Variants in TMPRSS15 observed in about 807,000 individuals in gnomAD.
TMPRSS15 encodes the protein transmembrane serine protease 15, also known as enteropeptidase.
In TMPRSS15, 128 loss-of-function variants were observed where a neutral mutation model predicts 125.3. The observed-to-expected ratio is 1.02, with a 90% CI of 0.89 to 1.18. The LOEUF (loss-of-function observed/expected upper bound fraction) is 1.18, where lower values mean the gene tolerates loss of function less well. Ranked by LOEUF, TMPRSS15 falls within the 50% of genes most tolerant of loss-of-function variation. TMPRSS15 has a pLI of 0.00. For synonymous variants in TMPRSS15, 446 were observed against 423.2 expected (o/e 1.05, Z -0.66); for missense variants, 1,283 against 1,212.7 (o/e 1.06, Z -0.86).
chr21:18,395,674 C>T (rs1338561657), intron 3 of TMPRSS15, among the ~76,000 whole-genome samples: 1 of 152,020 alleles, frequency 6.6e-6, no homozygotes, highest in African/African-American at 2.4e-5. Flanking sequence ...TGTAAAACAT[C>T]TGAATTTTTT....
rs545702242 is a variant in TMPRSS15, at chr21:18,442,968, A to G, written c.10+42831T>C. The stretch of plus-strand genomic sequence containing the variant: ...TTACTGGATAGATTAAGAACAGGTG[A>G]TGGGATGTAGGTTAATTAGAATTAA... On this transcript the variant is annotated intron_variant, in intron 1 of 7. Transcript: ENST00000422787. Among the ~76,000 whole-genome samples the G allele has an allele frequency of 3.9e-5, 6 of 152,334 alleles. No individual in the cohort carries two copies. In the South Asian group the frequency reaches 1.2e-3, roughly 32 times the overall value.
chr21:18,449,212 T>C (rs930436611), intron 1 of TMPRSS15, among the ~76,000 whole-genome samples: 5 of 152,198 alleles, frequency 3.3e-5, no homozygotes, highest in African/African-American at 1.2e-4. Flanking sequence ...TTATATACAA[T>C]ATAGAATTTC....
At chr21:18,380,831 A>C (rs1377915622) in intron 4 of TMPRSS15, among the ~76,000 whole-genome samples, 2 of 152,278 alleles carry the variant, frequency 1.3e-5, no homozygotes, top group Admixed American at 6.5e-5. Flanking sequence ...ATATCTATTT[A>C]AGAAAGATAT....
intron 14 of TMPRSS15, among the ~76,000 whole-genome samples, chr21:18,331,233 T>C (rs1431545284): frequency 1.3e-5 from 2 of 152,196 alleles, no homozygotes; most frequent in Non-Finnish European, 2.9e-5. Context: ...CTCTCTTATC[T>C]CTTGATCATC....
chr21:18,407,762 T>C (rs1202786874), upstream of TMPRSS15, among the ~76,000 whole-genome samples: 1 of 152,134 alleles, frequency 6.6e-6, no homozygotes, highest in African/African-American at 2.4e-5. Context: ...CATAGGAGAA[T>C]AAGATAATTA....
upstream of TMPRSS15, among the ~76,000 whole-genome samples, chr21:18,407,516 G>T (rs567201008): frequency 2.1e-5 from 3 of 140,212 alleles, no homozygotes; most frequent in East Asian, 6.0e-4. Flanking sequence ...ACATGATCTT[G>T]GTTTACTACT....
chr21:18,276,112 T>C (rs1055513811), intron 23 of TMPRSS15, among the ~76,000 whole-genome samples: 1 of 152,220 alleles, frequency 6.6e-6, no homozygotes, highest in Non-Finnish European at 1.5e-5. Context: ...TTGACAGCCA[T>C]TGATGCTGAA....
Position 18,480,044 on chromosome 21 carries a change from A to T in TMPRSS15, c.10+5755T>A, listed in dbSNP as rs1402753869. Among the ~76,000 whole-genome samples, 2 of 152,066 alleles carry T rather than the reference A, an allele frequency of 1.3e-5. 1 individual carries two copies. The highest frequency in any genetic ancestry group is 2.9e-5 in the Non-Finnish European group (2 of 67,982). ...AAAATGTGGCACATGTACACCATGGAATACTATGCAGCCATGAAAAAGGAT... is the reference window on the plus strand; with the variant it reads ...AAAATGTGGCACATGTACACCATGGTATACTATGCAGCCATGAAAAAGGAT... On this transcript the variant is annotated intron_variant, in intron 1 of 7. Coordinates refer to the TMPRSS15 transcript ENST00000422787.
At chr21:18,442,727 C>A (rs1407417471) in intron 1 of TMPRSS15, among the ~76,000 whole-genome samples, 1 of 152,124 alleles carries the variant, frequency 6.6e-6, no homozygotes, top group Non-Finnish European at 1.5e-5. Context: ...TACAGATATT[C>A]CATGGTAATT....
intron 21 of TMPRSS15, among the ~76,000 whole-genome samples, chr21:18,285,970 T>C (rs1350623152): frequency 6.6e-6 from 1 of 152,208 alleles, no homozygotes; most frequent in Non-Finnish European, 1.5e-5. Flanking sequence ...GAAATCTGTT[T>C]TTAAAATATG....
chr21:18,419,078 A>C (rs775213508), intron 1 of TMPRSS15, among the ~76,000 whole-genome samples: 29 of 152,226 alleles, frequency 1.9e-4, no homozygotes, highest in South Asian at 8.3e-4. Flanking sequence ...TTAACCTGAA[A>C]CCAGTTTTAT....
At chr21:18,298,999 T>C (rs1396219474) in intron 18 of TMPRSS15, among the ~76,000 whole-genome samples, 1 of 152,222 alleles carries the variant, frequency 6.6e-6, no homozygotes, top group Non-Finnish European at 1.5e-5. Context: ...GCTGGGACAA[T>C]AGATGTCTAT....
At chr21:18,350,040 C>T (rs17781399) in intron 10 of TMPRSS15, among the ~76,000 whole-genome samples, 11,324 of 151,990 alleles carry the variant, frequency 0.075, 823 homozygotes, top group East Asian at 0.38. Flanking sequence ...TTTGCACTTT[C>T]CTCTAACTAC....
intron 1 of TMPRSS15, among the ~76,000 whole-genome samples, chr21:18,436,260 T>C (rs1325782331): frequency 5.9e-5 from 9 of 151,768 alleles, no homozygotes; most frequent in African/African-American, 2.2e-4. Flanking sequence ...CTTTCTCTTG[T>C]GGGCATTTAG....
chr21:18,426,105 C>T (rs140525626), intron 1 of TMPRSS15, among the ~76,000 whole-genome samples: 138 of 152,174 alleles, frequency 9.1e-4, no homozygotes, highest in African/African-American at 3.2e-3. Flanking sequence ...GCTTCAAGGG[C>T]CCACAATTAC....
At chr21:18,321,970 G>C (rs190271961) in intron 16 of TMPRSS15, among the ~76,000 whole-genome samples, 2 of 152,250 alleles carry the variant, frequency 1.3e-5, no homozygotes, top group East Asian at 3.9e-4. Flanking sequence ...GCTTCAATCA[G>C]GGGGATTTTC....
intron 17 of TMPRSS15, among the ~76,000 whole-genome samples, chr21:18,314,617 T>C (rs2075141214): frequency 6.6e-6 from 1 of 152,120 alleles, no homozygotes. Context: ...TTTTTTAACT[T>C]AGTTACAGTG....
intron 15 of TMPRSS15, 68 bp downstream of exon 15, chr21:18,329,101 A>T: frequency 6.8e-7 from 1 of 1,479,974 alleles, no homozygotes; most frequent in Non-Finnish European, 9.3e-7. Flanking sequence ...TTAATTAAGA[A>T]ACGCTCTTTC....
chr21:18,382,622 A>G (rs1435289030), intron 4 of TMPRSS15, among the ~76,000 whole-genome samples: 2 of 152,224 alleles, frequency 1.3e-5, no homozygotes, highest in African/African-American at 4.8e-5. Context: ...TAGTTGAACT[A>G]ATTAAATAGT....
Sources: gnomAD v4.1 joint callset for allele counts (sites outside exome capture counted in the v4.1 genomes callset) on GRCh38, gnomAD v4.1.1 for gene constraint, MANE v1.5 for transcripts, NCBI Gene and HGNC (gene_info 2026-07-23, HGNC 2026-07-21) for gene names.